Variants in TMEM255A observed in about 807,000 individuals in gnomAD.
TMEM255A encodes the protein transmembrane protein 255A, also known as family with sequence similarity 70, member A.
Under a neutral mutation model 23.5 loss-of-function variants are expected in TMEM255A, and 14 were observed. That is an observed-to-expected ratio of 0.60 (90% CI 0.39 to 0.93). The LOEUF (loss-of-function observed/expected upper bound fraction) is 0.93. TMEM255A is among the 40% of genes least tolerant of loss of function. The pLI, the probability that TMEM255A is intolerant of heterozygous loss-of-function variation, is 0.00. For synonymous variants in TMEM255A, 104 were observed against 100.3 expected (o/e 1.04, Z -0.22); for missense variants, 233 against 261.7 (o/e 0.89, Z 0.76).
Position 120,283,140 on chromosome X carries a change from C to A in TMEM255A, c.512+1987G>T, listed in dbSNP as rs1290408474. ...CCCAATTCCCCTAGGACCCGTGTTA[C>A]ATTTCTTTGATCATTTTTGTAAGGA... On this transcript the variant is annotated intron_variant, in intron 6 of 8. Transcript: ENST00000371369. 2.7e-5 allele frequency among the ~76,000 whole-genome samples: 3 copies of A among 111,182 alleles called. No individual in the cohort carries two copies. The Admixed American group carries it at 2.9e-4, about 11-fold the overall frequency.
chrX:120,294,258 C>T (rs1270013240), intron 2 of TMEM255A, among the ~76,000 whole-genome samples: 2 of 108,601 alleles, frequency 1.8e-5, no homozygotes, highest in Non-Finnish European at 1.9e-5. Flanking sequence ...AACGGTGAAA[C>T]CCCGTCTCTA....
intron 7 of TMEM255A, among the ~76,000 whole-genome samples, chrX:120,274,110 T>C (rs1163216908): frequency 5.4e-5 from 6 of 111,939 alleles, no homozygotes; most frequent in African/African-American, 9.8e-5. Context: ...TGCTACAAGG[T>C]AGATGAATTT....
Position 120,270,365 on chromosome X carries a change from C to T in TMEM255A, c.676-1978G>A, listed in dbSNP as rs185618231. Among the ~76,000 whole-genome samples, 154 of 106,238 alleles carry T rather than the reference C, an allele frequency of 1.4e-3. 3 individuals are homozygous for T. Among genetic ancestry groups the T allele is most frequent in the South Asian group, 0.013 (30 of 2,291 alleles). The allele number at this position is 106,238 out of a possible 115,157, so 92.3% of individuals were successfully genotyped here. The stretch of plus-strand genomic sequence containing the variant: ...CTTACGTTGTGAGACGCCCGCCCTG[C>T]CCCCCCATTATTGATCAGTAGCATT... On this transcript the variant is annotated intron_variant, in intron 7 of 8. Transcript: ENST00000371369.
rs1401430230 is a variant in TMEM255A, at chrX:120,311,198, C to T, written c.58+54G>A. The stretch of plus-strand genomic sequence containing the variant: ...AGCTGGGGCGTTCACAGTCCAGAGG[C>T]CAGGGCACTCAACCCCTGCTGCCGC... On this transcript the variant is annotated intron_variant, in intron 1 of 8. Transcript: ENST00000371369. 6.6e-6 allele frequency: 7 copies of T among 1,052,874 alleles called. No homozygotes were observed. The African/African-American group carries it at 1.3e-4, about 20-fold the overall frequency. 86.8% of individuals were successfully genotyped at this position (1,052,874 alleles called of 1,213,427 possible).
chrX:120,276,684 G>T (rs782043242), intron 7 of TMEM255A, among the ~76,000 whole-genome samples: 1 of 111,536 alleles, frequency 9.0e-6, no homozygotes, highest in Admixed American at 9.5e-5. Context: ...CAGGTAATTT[G>T]TGTATAACAA....
chrX:120,270,095 G>T (rs1464052883), intron 7 of TMEM255A, among the ~76,000 whole-genome samples: 1 of 111,202 alleles, frequency 9.0e-6, no homozygotes. Flanking sequence ...GACAGTCAGG[G>T]GTAGAGGATA....
chrX:120,266,276 A>G (rs1421947501), intron 8 of TMEM255A, among the ~76,000 whole-genome samples: 1 of 110,698 alleles, frequency 9.0e-6, no homozygotes, highest in African/African-American at 3.3e-5. Flanking sequence ...TGCTGTTTCC[A>G]TAGCATTCTG....
chrX:120,304,964 A>G (rs151167724), intron 1 of TMEM255A, among the ~76,000 whole-genome samples: 13,416 of 111,694 alleles, frequency 0.12, 614 homozygotes, highest in East Asian at 0.26. Context: ...TGTAAATATC[A>G]CAGCCAAGCC....
In TMEM255A at chrX:120,304,240, A is replaced by T. The variant is rs187396830; in HGVS notation, c.201+109T>A. ...AAATATACAGAGATACAAAGGAGGA[A>T]ATCTGAGCAAACACTAGACACTCAA... On this transcript the variant is annotated intron_variant, in intron 2 of 8. Transcript: ENST00000371369. 84 of 857,170 alleles carry T rather than the reference A, an allele frequency of 9.8e-5. 1 individual carries two copies. In the East Asian group the frequency reaches 2.0e-3, roughly 20 times the overall value. 70.6% of individuals were successfully genotyped at this position (857,170 alleles called of 1,213,427 possible).
intron 7 of TMEM255A, among the ~76,000 whole-genome samples, chrX:120,275,515 T>A (rs191225204): frequency 3.6e-5 from 4 of 111,432 alleles, no homozygotes; most frequent in African/African-American, 1.3e-4. Flanking sequence ...TTTCAGGTTC[T>A]GTTCTTCAGG....
At chrX:120,289,288 A>C (rs1271691984) in intron 4 of TMEM255A, among the ~76,000 whole-genome samples, 3 of 112,053 alleles carry the variant, frequency 2.7e-5, no homozygotes, top group African/African-American at 9.7e-5. Flanking sequence ...ACTTGAGTCA[A>C]ATGCTGTACT....
At chrX:120,291,224 T>C (rs2057912501) in intron 4 of TMEM255A, 27 bp downstream of exon 4, 5 of 1,162,553 alleles carry the variant, frequency 4.3e-6, no homozygotes, top group Non-Finnish European at 5.8e-6. Flanking sequence ...GCCTATTTAC[T>C]TTAACTCAGG....
intron 1 of TMEM255A, 78 bp from the exon 2 acceptor site, chrX:120,304,569 G>T: frequency 1.8e-6 from 2 of 1,081,360 alleles, no homozygotes; most frequent in Non-Finnish European, 2.5e-6. Context: ...ACACTAAGAA[G>T]GTTTTCCTTT....
chrX:120,299,130 C>A (rs2147215691), intron 2 of TMEM255A, among the ~76,000 whole-genome samples: 1 of 111,410 alleles, frequency 9.0e-6, no homozygotes, highest in African/African-American at 3.3e-5. Flanking sequence ...TCTTATCCAG[C>A]AAATCAAGAT....
Position 120,277,022 on chromosome X carries a change from AG to A in TMEM255A, c.537del (p.Tyr180ThrfsTer46), listed in dbSNP as rs781827710. ...CAACTGCTGACATCGATGTATTCGTAGTACCCACCAGTGATCTCCACCCGGC... is the reference window on the plus strand; with the variant it reads ...CAACTGCTGACATCGATGTATTCGTATACCCACCAGTGATCTCCACCCGGC... ...CGNRVEITGGYYEYIDVSSCQ... is the reference protein window; with the variant it reads ...CGNRVEITGGXYEYIDVSSCQ... On this transcript the variant is annotated frameshift_variant, in exon 7 of 9. Transcript: ENST00000371369. LOFTEE classifies it high-confidence loss of function. 2.5e-6 allele frequency: 3 copies of A among 1,209,649 alleles called. No homozygotes were observed. Among genetic ancestry groups the A allele is most frequent in the Non-Finnish European group, 3.4e-6 (3 of 894,422 alleles).
At chrX:120,306,011 C>T (rs782473197) in intron 1 of TMEM255A, among the ~76,000 whole-genome samples, 5 of 111,554 alleles carry the variant, frequency 4.5e-5, no homozygotes, top group South Asian at 7.6e-4. Context: ...GACTATTTTT[C>T]GTTGAAATGT....
At position 120,294,017 on chromosome X, in the gene TMEM255A, G is replaced by T; in HGVS notation, c.236C>A (p.Ser79Ter). The T allele has an allele frequency of 8.4e-7, 1 of 1,194,770 alleles. No individual in the cohort carries two copies. The highest frequency in any genetic ancestry group is 1.8e-5 in the South Asian group (1 of 56,610). Residue 79 changes from serine to a stop codon, truncating the protein, a stop_gained, in exon 3 of 9, where the codon TCA becomes TAA. Transcript: ENST00000371369. LOFTEE classifies it high-confidence loss of function. The stretch of plus-strand genomic sequence containing the variant: ...CTGCCTTTTGTTCTCAATAAGGTTT[G>T]ATCCAATGATTCCAAGGAACGATCC... Reference protein sequence around the residue: ...GFGSFLGIIGSNLIENKRQML... With the variant: ...GFGSFLGIIG
intron 7 of TMEM255A, among the ~76,000 whole-genome samples, chrX:120,274,601 T>C (rs183654699): frequency 1.8e-5 from 2 of 111,774 alleles, no homozygotes; most frequent in Admixed American, 9.5e-5. Context: ...GCCCTTTGCC[T>C]TCAAAATCCA....
At chrX:120,265,275 C>A (rs782559150) in intron 8 of TMEM255A, among the ~76,000 whole-genome samples, 3 of 112,232 alleles carry the variant, frequency 2.7e-5, no homozygotes, top group African/African-American at 9.7e-5. Flanking sequence ...AAAATGAAAC[C>A]ATTTAAGTTC....
Sources: gnomAD v4.1 joint callset for allele counts (sites outside exome capture counted in the v4.1 genomes callset) on GRCh38, gnomAD v4.1.1 for gene constraint, MANE v1.5 for transcripts, NCBI Gene and HGNC (gene_info 2026-07-23, HGNC 2026-07-21) for gene names.